Variants in ACTR6 observed in about 807,000 individuals in gnomAD.
ACTR6 encodes actin related protein 6, also known as actin-related protein 6.
In ACTR6, 50 loss-of-function variants were observed where a neutral mutation model predicts 52.5. That is an observed-to-expected ratio of 0.95 (90% CI 0.76 to 1.20). The LOEUF is 1.20. ACTR6 is among the 50% of genes most tolerant of loss of function. The pLI, the probability that ACTR6 is intolerant of heterozygous loss-of-function variation, is 0.00. For synonymous variants in ACTR6, 135 were observed against 147.2 expected (o/e 0.92, Z 0.60); for missense variants, 344 against 472.4 (o/e 0.73, Z 2.52).
intron 1 of ACTR6, among the ~76,000 whole-genome samples, chr12:100,201,846 C>T (rs1441505704): frequency 6.6e-6 from 1 of 152,080 alleles, no homozygotes; most frequent in Non-Finnish European, 1.5e-5. Flanking sequence ...CGGTCTCGAG[C>T]CCCTGGCCTC....
In ACTR6 at chr12:100,214,846, G is replaced by A. The variant is rs2096122761; in HGVS notation, c.750+2318G>A. On this transcript the variant is annotated intron_variant, in intron 8 of 10. Coordinates refer to ENST00000188312, the MANE Select transcript of ACTR6 (RefSeq NM_022496.5). ...ATAGATGATGGGATAAGGTTGCCTG[G>A]GCATGTATCAGGTAGAGAGAAACTG... Among the ~76,000 whole-genome samples, 3 of 152,170 alleles carry A rather than the reference G, an allele frequency of 2.0e-5. No homozygotes were observed. The South Asian group carries it at 6.2e-4, about 31-fold the overall frequency.
intron 5 of ACTR6, 34 bp from the exon 6 acceptor site, chr12:100,210,261 G>A (rs761535154): frequency 1.2e-6 from 2 of 1,610,018 alleles, no homozygotes; most frequent in South Asian, 1.1e-5. Context: ...AGAATGATAT[G>A]TGCGATAATT....
In ACTR6 at chr12:100,204,921, T is replaced by C. The variant is rs2096113257; in HGVS notation, c.69-19T>C. The C allele has an allele frequency of 6.7e-7, 1 of 1,500,074 alleles. No homozygotes were observed. Among genetic ancestry groups the C allele is most frequent in the Non-Finnish European group, 9.2e-7 (1 of 1,087,070 alleles). The allele number at this position is 1,500,074 out of a possible 1,614,324, so 92.9% of individuals were successfully genotyped here. A position where few individuals can be genotyped will look rare whatever the true frequency, so the allele number is the denominator to read the frequency against. ...GAACTAAATATTTAGGGGATAATTA[T>C]TTGTTTCCTTGTTTCTAGGGTTATT... On this transcript the variant is annotated intron_variant, in intron 1 of 10. Coordinates refer to ENST00000188312, the MANE Select transcript of ACTR6 (RefSeq NM_022496.5).
chr12:100,220,160 T>C lies in ACTR6; in HGVS notation c.1061+14T>C, dbSNP rs754550564. 1 of 1,605,214 alleles carries C rather than the reference T, an allele frequency of 6.2e-7. No homozygotes were observed. Among genetic ancestry groups the C allele is most frequent in the Non-Finnish European group, 8.5e-7 (1 of 1,174,438 alleles). On this transcript the variant is annotated intron_variant, in intron 10 of 10. Coordinates refer to ENST00000188312, the MANE Select transcript of ACTR6 (RefSeq NM_022496.5). Reference sequence around the variant, plus strand: ...GCTGCCTGAAAAGTAAGTGTTGTTTTATATAGAAACGAAACATGGAAGTCC... The same window carrying C: ...GCTGCCTGAAAAGTAAGTGTTGTTTCATATAGAAACGAAACATGGAAGTCC...
chr12:100,220,154 T>G lies in ACTR6; in HGVS notation c.1061+8T>G. The G allele has an allele frequency of 6.2e-7, 1 of 1,608,654 alleles. No homozygotes were observed. The highest frequency in any genetic ancestry group is 8.5e-7 in the Non-Finnish European group (1 of 1,176,690). On this transcript the variant is annotated splice_region_variant and intron_variant, in intron 10 of 10. Transcript: ENST00000188312. Reference sequence around the variant, plus strand: ...TGTTGTGCTGCCTGAAAAGTAAGTGTTGTTTTATATAGAAACGAAACATGG... The same window carrying G: ...TGTTGTGCTGCCTGAAAAGTAAGTGGTGTTTTATATAGAAACGAAACATGG...
intron 3 of ACTR6, among the ~76,000 whole-genome samples, chr12:100,206,545 A>G (rs1439694697): frequency 6.6e-6 from 1 of 151,958 alleles, no homozygotes; most frequent in Non-Finnish European, 1.5e-5. Context: ...TTTAATAGAC[A>G]TGGGGTTTCA....
intron 4 of ACTR6, among the ~76,000 whole-genome samples, chr12:100,209,332 A>G (rs1429072563): frequency 1.3e-5 from 2 of 152,226 alleles, no homozygotes; most frequent in Non-Finnish European, 2.9e-5. Flanking sequence ...TAGATGGTCA[A>G]CATAGTGAGA....
intron 6 of ACTR6, 92 bp from the exon 7 acceptor site, chr12:100,212,164 C>A: frequency 2.3e-6 from 2 of 854,996 alleles, no homozygotes; most frequent in Non-Finnish European, 3.6e-6. Context: ...AAATCAGTTA[C>A]CTGAAAATTT....
Position 100,200,861 on chromosome 12 carries a change from T to G in ACTR6, c.10T>G (p.Leu4Val). 2.5e-6 allele frequency: 4 copies of G among 1,614,108 alleles called. No individual in the cohort carries two copies. The highest frequency in any genetic ancestry group is 3.4e-6 in the Non-Finnish European group (4 of 1,180,012). The change falls in exon 1 of 11, where the codon TTA (leucine) becomes GTA (valine). Residue 4 changes from leucine to valine, a missense_variant. Transcript: ENST00000188312. ...TGTGGTTGGTGGTGAGATGACGACC[T>G]TAGTGCTGGATAATGGAGCTTACAA... The part of the protein sequence containing the change: MTT[L>V]VLDNGAYNAK...
In ACTR6 at chr12:100,218,052, G is replaced by C. The variant is rs2096125224; in HGVS notation, c.751-363G>C. Among the ~76,000 whole-genome samples the C allele has an allele frequency of 6.6e-6, 1 of 151,894 alleles. No individual in the cohort carries two copies. Among genetic ancestry groups the C allele is most frequent in the South Asian group, 2.1e-4 (1 of 4,806 alleles). Reference sequence around the variant, plus strand: ...ACGGGGGTCTCGCTATGTTTCCCAGGCTGTCTTGAACTCCCGGGCTCAAGT... The same window carrying C: ...ACGGGGGTCTCGCTATGTTTCCCAGCCTGTCTTGAACTCCCGGGCTCAAGT... On this transcript the variant is annotated intron_variant, in intron 8 of 10. Coordinates refer to ENST00000188312, the MANE Select transcript of ACTR6 (RefSeq NM_022496.5). The surrounding 1 kb of genome is among the most constrained non-coding windows in gnomAD (Gnocchi z 4.2).
In ACTR6 at chr12:100,210,141, A is replaced by T. The variant is rs749837018; in HGVS notation, c.448A>T (p.Ser150Cys). The change falls in exon 5 of 11, where the codon AGT (serine) becomes TGT (cysteine). Residue 150 changes from serine to cysteine, a missense_variant. Coordinates refer to ENST00000188312, the MANE Select transcript of ACTR6 (RefSeq NM_022496.5). ...CGAATTATGCTGTATCATTGTTGATAGTGGATATTCCTTTACACATATAGT... is the reference window on the plus strand; with the variant it reads ...CGAATTATGCTGTATCATTGTTGATTGTGGATATTCCTTTACACATATAGT... The part of the protein sequence containing the change: ...PSELCCIIVD[S>C]GYSFTHIVPY... The T allele has an allele frequency of 2.5e-6, 4 of 1,610,726 alleles. No individual in the cohort carries two copies. Among genetic ancestry groups the T allele is most frequent in the Non-Finnish European group, 3.4e-6 (4 of 1,177,920 alleles).
At chr12:100,220,675 A>G (rs1025510277) in intron 10 of ACTR6, among the ~76,000 whole-genome samples, 4 of 151,462 alleles carry the variant, frequency 2.6e-5, no homozygotes, top group African/African-American at 9.8e-5. Flanking sequence ...AGTGCATATC[A>G]TCACTTCCAC....
In ACTR6 at chr12:100,219,987, T is replaced by C. The variant is rs77011187; in HGVS notation, c.923-21T>C. On this transcript the variant is annotated intron_variant, in intron 9 of 10. Coordinates refer to ENST00000188312, the MANE Select transcript of ACTR6 (RefSeq NM_022496.5). ...TTTCTAATGCCTTTTTTCCTTTCCTTCTCCTTTTCTTCTTTTAAAGAAATG... is the reference window on the plus strand; with the variant it reads ...TTTCTAATGCCTTTTTTCCTTTCCTCCTCCTTTTCTTCTTTTAAAGAAATG... The C allele has an allele frequency of 2.1e-3, 3,391 of 1,610,370 alleles. 65 individuals carry two copies. The African/African-American group carries it at 0.04, about 19-fold the overall frequency.
intron 1 of ACTR6, among the ~76,000 whole-genome samples, chr12:100,202,576 G>C (rs989215197): frequency 3.3e-5 from 5 of 152,118 alleles, no homozygotes; most frequent in African/African-American, 9.7e-5. Context: ...AATGGCTCTA[G>C]TTTGTCTTCC....
At chr12:100,220,510 A>G (rs2096127294) in intron 10 of ACTR6, among the ~76,000 whole-genome samples, 1 of 152,206 alleles carries the variant, frequency 6.6e-6, no homozygotes, top group Admixed American at 6.5e-5. Context: ...TCTGTCAGGA[A>G]TAGAAATTGA....
rs3737 is a variant in ACTR6, at chr12:100,224,284, C to G, written c.*369C>G. Reference sequence around the variant, plus strand: ...GTAGTTTTGTGTGACTGTGACTAAACTATTTTATTTTAAAATGTCATTCTT... The same window carrying G: ...GTAGTTTTGTGTGACTGTGACTAAAGTATTTTATTTTAAAATGTCATTCTT... On this transcript the variant is annotated 3_prime_UTR_variant, in exon 11 of 11. Transcript: ENST00000188312. The G allele has an allele frequency of 0.058, 9,389 of 160,754 alleles. 605 individuals carry two copies. The highest frequency in any genetic ancestry group is 0.16 in the African/African-American group (6,688 of 41,626). The allele number at this position is 160,754 out of a possible 1,614,324, so 10.0% of individuals were successfully genotyped here. A position where few individuals can be genotyped will look rare whatever the true frequency, so the allele number is the denominator to read the frequency against.
At chr12:100,217,099 T>C (rs1236719694) in intron 8 of ACTR6, among the ~76,000 whole-genome samples, 1 of 152,212 alleles carries the variant, frequency 6.6e-6, no homozygotes, top group African/African-American at 2.4e-5. Flanking sequence ...AATTGCATCA[T>C]TAATTTAAAA....
Position 100,223,905 on chromosome 12 carries a change from T to G in ACTR6, c.1181T>G (p.Phe394Cys), listed in dbSNP as rs757626196. 3.1e-6 allele frequency: 5 copies of G among 1,602,420 alleles called. No individual in the cohort carries two copies. Among genetic ancestry groups the G allele is most frequent in the Non-Finnish European group, 4.2e-6 (5 of 1,177,282 alleles). ...GGACATAGCGTCTGTGAAGAGAAAT[T>G]TGATATTTAAGCAACATTTTTGAAT... ...ENGHSVCEEK[F>C]DI Residue 394 changes from phenylalanine to cysteine, a missense_variant, in exon 11 of 11, where the codon TTT becomes TGT. By Grantham distance (205) the Phe-to-Cys change is radical. Coordinates refer to ENST00000188312, the MANE Select transcript of ACTR6 (RefSeq NM_022496.5).
In ACTR6 at chr12:100,214,542, A is replaced by G. The variant is rs146167536; in HGVS notation, c.750+2014A>G. ...ATTGTTTGAGACCAGCCTCAGCAAC[A>G]AAGTGAGACCCTGTCTCTACAAAAA... On this transcript the variant is annotated intron_variant, in intron 8 of 10. Transcript: ENST00000188312. Among the ~76,000 whole-genome samples the G allele has an allele frequency of 4.9e-3, 749 of 151,664 alleles. 3 individuals are homozygous for G. The highest frequency in any genetic ancestry group is 8.3e-3 in the Non-Finnish European group (567 of 67,912).
Sources: allele counts gnomAD v4.1 joint callset (sites outside exome capture counted in the v4.1 genomes callset), GRCh38; gene constraint gnomAD v4.1.1; non-coding constraint Gnocchi (gnomAD v3.1); transcripts MANE v1.5; gene names NCBI Gene and HGNC (gene_info 2026-07-23, HGNC 2026-07-21).